The following CCNB1IP1 variants were observed in gnomAD, a reference collection of about 807,000 sequenced individuals.
CCNB1IP1 encodes E3 ubiquitin-protein ligase CCNB1IP1.
In CCNB1IP1, 14 loss-of-function variants were observed where a neutral mutation model predicts 25.6. The ratio of observed to expected loss-of-function variants is 0.55; its 90% CI spans 0.36 to 0.85. The LOEUF (loss-of-function observed/expected upper bound fraction) is 0.85, where lower values mean the gene tolerates loss of function less well. Among genes scored for constraint, CCNB1IP1 ranks in the 40% least tolerant of loss-of-function variants. CCNB1IP1 has a pLI of 0.01. For synonymous variants in CCNB1IP1, 119 were observed against 116.1 expected (o/e 1.02, Z -0.16); for missense variants, 278 against 342.4 (o/e 0.81, Z 1.48).
Position 20,316,526 on chromosome 14 carries a change from T to C in CCNB1IP1, c.-3A>G, listed in dbSNP as rs1165468654. 2 of 1,601,130 alleles carry C rather than the reference T, an allele frequency of 1.2e-6. No homozygotes were observed. Among genetic ancestry groups the C allele is most frequent in the Admixed American group, 1.7e-5 (1 of 59,960 alleles). ...AGCATGTCTTCACACAAAGACATAA[T>C]AGGATAGTGAGGTCTCCAGAAGCTG... On this transcript the variant is annotated 5_prime_UTR_variant, in exon 5 of 7. Transcript: ENST00000358932.
intron 4 of CCNB1IP1, among the ~76,000 whole-genome samples, chr14:20,323,575 CAAA>C (rs796446195): frequency 7.8e-6 from 1 of 128,816 alleles, no homozygotes; most frequent in Admixed American, 7.9e-5. Context: ...GTCCCTGTCT[CAAA>C]AAAAAAAAAA....
chr14:20,326,434 G>T (rs375395398), intron 3 of CCNB1IP1: 1 of 530,186 alleles, frequency 1.9e-6, no homozygotes, highest in Non-Finnish European at 3.9e-6. Context: ...AATTGCAGGT[G>T]TTTGCCCCTA....
intron 4 of CCNB1IP1, among the ~76,000 whole-genome samples, chr14:20,319,909 CAAGTT>C (rs1181225596): frequency 1.3e-5 from 2 of 152,206 alleles, no homozygotes. Flanking sequence ...GCACACATGT[CAAGTT>C]GTTTTACTTT....
At chr14:20,317,258 T>C (rs910019412) in intron 4 of CCNB1IP1, among the ~76,000 whole-genome samples, 1 of 151,694 alleles carries the variant, frequency 6.6e-6, no homozygotes, top group East Asian at 1.9e-4. Flanking sequence ...TACAAAAAAT[T>C]AGCTGGGTGT....
chr14:20,329,885 A>C (rs76151206), intron 1 of CCNB1IP1, among the ~76,000 whole-genome samples: 1 of 151,850 alleles, frequency 6.6e-6, no homozygotes, highest in Non-Finnish European at 1.5e-5. Flanking sequence ...AAGTTATGCA[A>C]CTTCTCTAAA....
intron 1 of CCNB1IP1, chr14:20,330,405 G>A (rs1407208297): frequency 6.6e-6 from 1 of 152,124 alleles, no homozygotes; most frequent in African/African-American, 2.4e-5. Flanking sequence ...CTACCTAGAT[G>A]GCAGGATCAA....
intron 4 of CCNB1IP1, among the ~76,000 whole-genome samples, chr14:20,317,226 G>T (rs1300695750): frequency 6.6e-6 from 1 of 151,888 alleles, no homozygotes; most frequent in African/African-American, 2.4e-5. Context: ...CTAACATGGT[G>T]AAATCCCATC....
intron 4 of CCNB1IP1, among the ~76,000 whole-genome samples, chr14:20,323,726 A>G (rs1882971161): frequency 6.6e-6 from 1 of 151,926 alleles, no homozygotes; most frequent in African/African-American, 2.4e-5. Flanking sequence ...CAGAAGATCG[A>G]GACCACGGTG....
intron 1 of CCNB1IP1, among the ~76,000 whole-genome samples, chr14:20,331,437 T>C (rs1176635285): frequency 6.6e-6 from 1 of 152,210 alleles, no homozygotes; most frequent in Admixed American, 6.5e-5. Flanking sequence ...GTTTAGAGTA[T>C]TGATTGGTTT....
At chr14:20,320,127 A>G (rs553220973) in intron 4 of CCNB1IP1, among the ~76,000 whole-genome samples, 1 of 152,248 alleles carries the variant, frequency 6.6e-6, no homozygotes, top group Admixed American at 6.5e-5. Flanking sequence ...ACATGCAAAC[A>G]TAAGTTTGAA....
intron 4 of CCNB1IP1, among the ~76,000 whole-genome samples, chr14:20,317,357 G>C (rs909134866): frequency 6.6e-6 from 1 of 152,070 alleles, no homozygotes; most frequent in Non-Finnish European, 1.5e-5. Context: ...AGTGAGCCGG[G>C]ATCGCGCCAT....
intron 4 of CCNB1IP1, 134 bp from the exon 5 acceptor site, chr14:20,316,694 G>A: frequency 1.7e-6 from 1 of 571,780 alleles, no homozygotes; most frequent in East Asian, 2.9e-5. Context: ...TATTATAATT[G>A]ATATATTGAT....
chr14:20,325,420 C>CAAAAAAAAAA (rs60116621), intron 4 of CCNB1IP1, 119 bp downstream of exon 4: 1 of 125,464 alleles, frequency 8.0e-6, no homozygotes. Flanking sequence ...GACTCCGTCT[C>CAAAAAAAAAA]AAAAAAAAAA....
At chr14:20,326,916 C>T (rs1184374072) in intron 2 of CCNB1IP1, 123 bp from the exon 3 acceptor site, 1 of 173,086 alleles carries the variant, frequency 5.8e-6, no homozygotes, top group Non-Finnish European at 1.3e-5. Flanking sequence ...TTATTTAACT[C>T]TCCATTCATT....
intron 6 of CCNB1IP1, among the ~76,000 whole-genome samples, chr14:20,312,011 C>T (rs146776919): frequency 0.013 from 1,908 of 152,232 alleles, 34 homozygotes; most frequent in African/African-American, 0.043. Flanking sequence ...AGGCTTAAGA[C>T]AAGCAGATAA....
At chr14:20,326,300 TAG>T in intron 3 of CCNB1IP1, 1 of 319,214 alleles carries the variant, frequency 3.1e-6, no homozygotes. Context: ...TTTGGGGATA[TAG>T]AGATATCACA....
intron 4 of CCNB1IP1, among the ~76,000 whole-genome samples, chr14:20,320,952 A>G (rs755560845): frequency 3.3e-5 from 5 of 152,002 alleles, no homozygotes; most frequent in African/African-American, 7.3e-5. Flanking sequence ...AGCCTGACCA[A>G]CATGGAGAAA....
rs755560845 is a variant in CCNB1IP1 at position 20,320,952 on chromosome 14, A to T, written c.-37-4392T>A. 2.0e-5 allele frequency among the ~76,000 whole-genome samples: 3 copies of T among 152,004 alleles called. 1 individual carries two copies. The South Asian group carries it at 6.2e-4, about 31-fold the overall frequency. Reference sequence around the variant, plus strand: ...CGGGAGTTCGAGACCAGCCTGACCAACATGGAGAAACCCCATCTCTACTAA... The same window carrying T: ...CGGGAGTTCGAGACCAGCCTGACCATCATGGAGAAACCCCATCTCTACTAA... On this transcript the variant is annotated intron_variant, in intron 4 of 6. Transcript: ENST00000358932.
At chr14:20,316,609 A>C (rs1451470759) in intron 4 of CCNB1IP1, 49 bp from the exon 5 acceptor site, 6 of 1,063,010 alleles carry the variant, frequency 5.6e-6, no homozygotes, top group Non-Finnish European at 8.1e-6. Context: ...TGCAATGAAA[A>C]TAAAAGTAAA....
Sources: gnomAD v4.1 joint callset for allele counts (sites outside exome capture counted in the v4.1 genomes callset) on GRCh38, gnomAD v4.1.1 for gene constraint, MANE v1.5 for transcripts, NCBI Gene and HGNC (gene_info 2026-07-23, HGNC 2026-07-21) for gene names.